KCNN2: variants seen among roughly 807,000 people sequenced by gnomAD.
KCNN2 encodes the protein small conductance calcium-activated potassium channel protein 2.
In KCNN2, 24 loss-of-function variants were observed where a neutral mutation model predicts 55.5. That is an observed-to-expected ratio of 0.43 (90% confidence interval 0.31 to 0.61). The LOEUF is 0.61. Among genes scored for constraint, KCNN2 ranks in the 20% least tolerant of loss-of-function variants. KCNN2 has a pLI of 0.08. For missense variants in KCNN2, 754 were observed against 853.6 expected (o/e 0.88, Z 1.45); for synonymous variants, 431 against 336.1 (o/e 1.28, Z -3.09).
intron 2 of KCNN2, among the ~76,000 whole-genome samples, chr5:114,329,539 G>C (rs1756770945): frequency 6.6e-6 from 1 of 152,146 alleles, no homozygotes; most frequent in Non-Finnish European, 1.5e-5. Context: ...TACACCAGTG[G>C]TTGGTCAGGG....
At chr5:114,259,660 G>T (rs991470638) in intron 2 of KCNN2, among the ~76,000 whole-genome samples, 7 of 152,126 alleles carry the variant, frequency 4.6e-5, no homozygotes, top group African/African-American at 1.7e-4. Context: ...GCTTACACCA[G>T]TGTTTGGGTT....
intron 1 of KCNN2, among the ~76,000 whole-genome samples, chr5:114,161,017 A>G (rs906378129): frequency 7.2e-5 from 11 of 152,060 alleles, no homozygotes; most frequent in African/African-American, 2.7e-4. Context: ...TAAGGTTTGT[A>G]TTGTTATGTG....
chr5:114,285,014 G>A (rs1449298324), intron 2 of KCNN2, among the ~76,000 whole-genome samples: 1 of 151,754 alleles, frequency 6.6e-6, no homozygotes, highest in Non-Finnish European at 1.5e-5. Flanking sequence ...TGGGCGCGGT[G>A]GCTCATGCCT....
At chr5:114,081,237 A>C (rs567543456) in intron 1 of KCNN2, among the ~76,000 whole-genome samples, 1 of 152,162 alleles carries the variant, frequency 6.6e-6, no homozygotes, top group Non-Finnish European at 1.5e-5. Flanking sequence ...TACAGATTCA[A>C]TGCACTCCCT....
At chr5:114,169,449 C>T (rs1448865770) in intron 1 of KCNN2, among the ~76,000 whole-genome samples, 1 of 151,906 alleles carries the variant, frequency 6.6e-6, no homozygotes, top group Non-Finnish European at 1.5e-5. Flanking sequence ...GCTGAATTTC[C>T]CATAAGAAAA....
At chr5:114,416,359 G>A (rs1759305230) in intron 3 of KCNN2, among the ~76,000 whole-genome samples, 3 of 151,938 alleles carry the variant, frequency 2.0e-5, no homozygotes, top group South Asian at 4.1e-4. Context: ...CCCGTTTTAG[G>A]GATGTAGCTA....
At chr5:114,190,915 C>G (rs1238521096) in intron 1 of KCNN2, among the ~76,000 whole-genome samples, 1 of 152,080 alleles carries the variant, frequency 6.6e-6, no homozygotes, top group Admixed American at 6.6e-5. Context: ...TTATAGCTCC[C>G]TTCGACACTC....
At chr5:114,494,136 A>G (rs1747993841) in intron 7 of KCNN2, among the ~76,000 whole-genome samples, 1 of 152,106 alleles carries the variant, frequency 6.6e-6, no homozygotes, top group South Asian at 2.1e-4. Context: ...TTTGTCAATA[A>G]TCAAAACATT....
At chr5:114,192,863 C>T (rs1270280411) in intron 1 of KCNN2, among the ~76,000 whole-genome samples, 3 of 152,102 alleles carry the variant, frequency 2.0e-5, no homozygotes, top group Non-Finnish European at 2.9e-5. Flanking sequence ...TCTTTGCCCC[C>T]AGCCTTCCTC....
intron 2 of KCNN2, among the ~76,000 whole-genome samples, chr5:114,282,426 G>A (rs777147610): frequency 2.2e-4 from 34 of 152,052 alleles, no homozygotes; most frequent in Non-Finnish European, 2.8e-4. Context: ...TTATAATCAA[G>A]CTAGACATTA....
intron 1 of KCNN2, among the ~76,000 whole-genome samples, chr5:114,127,591 T>G (rs1317827345): frequency 1.3e-5 from 2 of 152,326 alleles, no homozygotes; most frequent in East Asian, 3.9e-4. Context: ...TGGGAGGGGC[T>G]GCTGGGAAGG....
At chr5:114,101,578 C>T (rs529310131) in intron 1 of KCNN2, among the ~76,000 whole-genome samples, 2 of 151,960 alleles carry the variant, frequency 1.3e-5, no homozygotes, top group South Asian at 4.2e-4. Flanking sequence ...AATGCTGTCC[C>T]TCCCCTTACC....
At chr5:114,073,445 G>T (rs1750619417) in intron 1 of KCNN2, among the ~76,000 whole-genome samples, 1 of 152,030 alleles carries the variant, frequency 6.6e-6, no homozygotes, top group South Asian at 2.1e-4. Flanking sequence ...ATGGCTCCTT[G>T]TTCATATTTT....
intron 2 of KCNN2, among the ~76,000 whole-genome samples, chr5:114,303,195 C>G (rs1756202371): frequency 1.3e-5 from 2 of 152,196 alleles, no homozygotes; most frequent in South Asian, 4.1e-4. Flanking sequence ...ATATTTATTG[C>G]TTTCCTACTT....
At chr5:114,487,305 T>C (rs1365388101) in intron 6 of KCNN2, 128 bp downstream of exon 6, 5 of 789,020 alleles carry the variant, frequency 6.3e-6, no homozygotes, top group Admixed American at 5.3e-5. Context: ...GAAGATGTTA[T>C]CTGGCAATCT....
At chr5:114,365,482 T>C (rs1375383467) in intron 2 of KCNN2, among the ~76,000 whole-genome samples, 4 of 152,210 alleles carry the variant, frequency 2.6e-5, no homozygotes, top group Non-Finnish European at 4.4e-5. Flanking sequence ...CAATTAGAGC[T>C]GGAAGGAACA....
chr5:114,413,310 G>T (rs557741283), intron 3 of KCNN2, among the ~76,000 whole-genome samples: 1 of 152,094 alleles, frequency 6.6e-6, no homozygotes, highest in East Asian at 1.9e-4. Context: ...TTGAGTTGGA[G>T]TCTTGCTCTT....
intron 1 of KCNN2, among the ~76,000 whole-genome samples, chr5:114,145,961 AT>A (rs775687039): frequency 6.6e-6 from 1 of 151,616 alleles, no homozygotes; most frequent in South Asian, 2.1e-4. Flanking sequence ...CTGCTGTGGC[AT>A]TTTTTCAGCA....
rs181978193 is a variant in KCNN2, at chr5:114,429,263, C to A, written c.1637+24407C>A. Among the ~76,000 whole-genome samples, 556 of 152,112 alleles carry A rather than the reference C, an allele frequency of 3.7e-3. 1 individual carries two copies. The highest frequency in any genetic ancestry group is 0.012 in the African/African-American group (512 of 41,544). On this transcript the variant is annotated intron_variant, in intron 3 of 7. Transcript: ENST00000673685. ...ACAACAAATACTGGTAAATACAAATCAAAATACAATGAGATACCACTATGT... is the reference window on the plus strand; with the variant it reads ...ACAACAAATACTGGTAAATACAAATAAAAATACAATGAGATACCACTATGT...
Sources: allele counts gnomAD v4.1 joint callset (sites outside exome capture counted in the v4.1 genomes callset), GRCh38; gene constraint gnomAD v4.1.1; transcripts MANE v1.5; gene names NCBI Gene and HGNC (gene_info 2026-07-23, HGNC 2026-07-21).